The following CTTNBP2 variants were observed in gnomAD, a reference collection of about 807,000 sequenced individuals.
The protein encoded by CTTNBP2 is cortactin-binding protein 2.
Under a neutral mutation model 156.9 loss-of-function variants are expected in CTTNBP2, and 108 were observed. That is an observed-to-expected ratio of 0.69 (90% CI 0.59 to 0.81). The LOEUF is 0.81. Among genes scored for constraint, CTTNBP2 ranks in the 30% least tolerant of loss-of-function variants. The pLI is 0.00. For synonymous variants in CTTNBP2, 767 were observed against 751.8 expected (o/e 1.02, Z -0.33); for missense variants, 1,924 against 2,035.4 (o/e 0.95, Z 1.05).
At chr7:117,718,270 A>G (rs1036614356) in intron 21 of CTTNBP2, 151 bp from the exon 22 acceptor site, 5 of 446,032 alleles carry the variant, frequency 1.1e-5, no homozygotes, top group Non-Finnish European at 2.0e-5. Flanking sequence ...TGAAAGAAAG[A>G]CTTCAAGTCT....
intron 1 of CTTNBP2, among the ~76,000 whole-genome samples, chr7:117,864,689 C>CATATATTT (rs1554451702): frequency 2.4e-5 from 2 of 82,804 alleles, no homozygotes; most frequent in African/African-American, 7.0e-5. Flanking sequence ...TATATATATT[C>CATATATTT]ATATATATTC....
At chr7:117,779,873 G>T (rs1798313764) in intron 7 of CTTNBP2, among the ~76,000 whole-genome samples, 1 of 152,014 alleles carries the variant, frequency 6.6e-6, no homozygotes, top group Non-Finnish European at 1.5e-5. Flanking sequence ...CGATTCTCCT[G>T]CCTCAGCCTC....
intron 2 of CTTNBP2, among the ~76,000 whole-genome samples, chr7:117,821,326 T>TG (rs549056463): frequency 0.015 from 2,217 of 151,640 alleles, 51 homozygotes; most frequent in African/African-American, 0.047. Context: ...GTTGGCTGTG[T>TG]GGTTTTTTTT....
chr7:117,823,591 T>C (rs973945561), intron 2 of CTTNBP2, among the ~76,000 whole-genome samples: 1 of 152,230 alleles, frequency 6.6e-6, no homozygotes, highest in African/African-American at 2.4e-5. Context: ...TCCACAAACA[T>C]TCAGAGTCAG....
intron 6 of CTTNBP2, among the ~76,000 whole-genome samples, chr7:117,781,966 A>T (rs1798459901): frequency 6.6e-6 from 1 of 152,224 alleles, no homozygotes; most frequent in Non-Finnish European, 1.5e-5. Flanking sequence ...CTCAATGACA[A>T]ACTCAGGGTA....
At chr7:117,869,665 T>C (rs1804443477) in intron 1 of CTTNBP2, among the ~76,000 whole-genome samples, 1 of 152,142 alleles carries the variant, frequency 6.6e-6, no homozygotes, top group African/African-American at 2.4e-5. Flanking sequence ...ATGGATTCAA[T>C]CACTGAGAGG....
At chr7:117,735,244 A>C (rs1478108307) in intron 15 of CTTNBP2, 25 bp downstream of exon 15, 24 of 1,606,658 alleles carry the variant, frequency 1.5e-5, no homozygotes, top group Non-Finnish European at 2.0e-5. Flanking sequence ...CTTGCTTCTC[A>C]GCATGGTCCC....
intron 2 of CTTNBP2, among the ~76,000 whole-genome samples, chr7:117,837,742 G>A (rs1382092825): frequency 6.6e-6 from 1 of 152,024 alleles, no homozygotes; most frequent in East Asian, 1.9e-4. Flanking sequence ...ATGAGGCCAG[G>A]TATAAAATTT....
rs533914569 is a variant in CTTNBP2 at position 117,789,857 on chromosome 7, C to A, written c.2068+1271G>T. Reference sequence around the variant, plus strand: ...GTAAATGGCAGAGACTAGATTTCAACATAGATCTAACTTCCAAGTCCATGC... The same window carrying A: ...GTAAATGGCAGAGACTAGATTTCAAAATAGATCTAACTTCCAAGTCCATGC... On this transcript the variant is annotated intron_variant, in intron 4 of 22. Transcript: ENST00000160373. Among the ~76,000 whole-genome samples the A allele has an allele frequency of 3.3e-5, 5 of 152,278 alleles. No individual in the cohort carries two copies. In the South Asian group the frequency reaches 1.0e-3, roughly 32 times the overall value.
In CTTNBP2 at chr7:117,758,116, A is replaced by G. The variant is rs1796990038; in HGVS notation, c.3173-146T>C. ...GCATGTACGGAACACATATAGGGCCACACAAGGGGTTAGCTCCCTAATGAA... is the reference window on the plus strand; with the variant it reads ...GCATGTACGGAACACATATAGGGCCGCACAAGGGGTTAGCTCCCTAATGAA... On this transcript the variant is annotated intron_variant, in intron 10 of 22. Coordinates refer to ENST00000160373, the MANE Select transcript of CTTNBP2 (RefSeq NM_033427.3). 5.0e-6 allele frequency: 3 copies of G among 596,020 alleles called. No homozygotes were observed. The East Asian group carries it at 8.5e-5, about 17-fold the overall frequency. The allele number at this position is 596,020 out of a possible 1,614,324, so 36.9% of individuals were successfully genotyped here. A position where few individuals can be genotyped will look rare whatever the true frequency, so the allele number is the denominator to read the frequency against.
At chr7:117,851,283 A>G (rs1421181248) in intron 2 of CTTNBP2, among the ~76,000 whole-genome samples, 1 of 152,092 alleles carries the variant, frequency 6.6e-6, no homozygotes. Flanking sequence ...AAAGAAAAAG[A>G]AGAGAGGAAA....
At chr7:117,745,388 A>G (rs1796272430) in intron 14 of CTTNBP2, among the ~76,000 whole-genome samples, 1 of 152,338 alleles carries the variant, frequency 6.6e-6, no homozygotes, top group South Asian at 2.1e-4. Context: ...GAGGTAGAGA[A>G]AGTGGTTGGC....
rs771952162 is a variant in CTTNBP2 at position 117,724,784 on chromosome 7, A to G, written c.4262-52T>C. 4 of 1,574,510 alleles carry G rather than the reference A, an allele frequency of 2.5e-6. No individual in the cohort carries two copies. In the African/African-American group the frequency reaches 5.5e-5, roughly 21 times the overall value. On this transcript the variant is annotated intron_variant, in intron 18 of 22. Transcript: ENST00000160373. The stretch of plus-strand genomic sequence containing the variant: ...ATAATGCAGTTTCACTGATTAAAGC[A>G]AAATACATTTCCGTTTCTCAAAGAT...
chr7:117,796,282 A>G (rs1799310933), intron 3 of CTTNBP2, among the ~76,000 whole-genome samples: 1 of 152,184 alleles, frequency 6.6e-6, no homozygotes, highest in Non-Finnish European at 1.5e-5. Flanking sequence ...TTTTCTCTAC[A>G]GGAGACTTCC....
At chr7:117,809,764 T>A (rs1286183159) in intron 3 of CTTNBP2, among the ~76,000 whole-genome samples, 1 of 152,212 alleles carries the variant, frequency 6.6e-6, no homozygotes, top group Non-Finnish European at 1.5e-5. Flanking sequence ...ACAATATGTA[T>A]CATAAATATT....
intron 2 of CTTNBP2, among the ~76,000 whole-genome samples, chr7:117,817,042 A>G (rs1367358505): frequency 2.6e-5 from 4 of 152,002 alleles, no homozygotes; most frequent in Non-Finnish European, 5.9e-5. Context: ...ACTGATGTAT[A>G]AAAATATAAT....
rs954426620 is a variant in CTTNBP2, at chr7:117,806,429, G to A, written c.414+4336C>T. ...CTGCCACACCACAAAATACTCTTAC[G>A]ACATTTAACCATACTCTTGATTGCT... On this transcript the variant is annotated intron_variant, in intron 3 of 22. Coordinates refer to ENST00000160373, the MANE Select transcript of CTTNBP2 (RefSeq NM_033427.3). Among the ~76,000 whole-genome samples, 9 of 152,268 alleles carry A rather than the reference G, an allele frequency of 5.9e-5. No individual in the cohort carries two copies. The East Asian group carries it at 7.7e-4, about 13-fold the overall frequency.
intron 4 of CTTNBP2, among the ~76,000 whole-genome samples, chr7:117,785,594 TC>T (rs1215917436): frequency 2.6e-5 from 4 of 152,196 alleles, no homozygotes; most frequent in Non-Finnish European, 5.9e-5. Context: ...AAATAGTGTT[TC>T]ACAATGACTA....
chr7:117,773,692 CACACACA>C (rs1797925716), intron 8 of CTTNBP2, among the ~76,000 whole-genome samples: 1 of 148,344 alleles, frequency 6.7e-6, no homozygotes, highest in Non-Finnish European at 1.5e-5. Flanking sequence ...CACACACACA[CACACACA>C]CACACACACC....
Sources: gnomAD v4.1 joint callset for allele counts (sites outside exome capture counted in the v4.1 genomes callset) on GRCh38, gnomAD v4.1.1 for gene constraint, MANE v1.5 for transcripts, NCBI Gene and HGNC (gene_info 2026-07-23, HGNC 2026-07-21) for gene names.